KRT7: variants seen among roughly 807,000 people sequenced by gnomAD.
The protein encoded by KRT7 is keratin 7.
In KRT7, 50 loss-of-function variants were observed where a neutral mutation model predicts 42.8. The observed-to-expected ratio is 1.17, with a 90% confidence interval of 0.93 to 1.48. The LOEUF is 1.48. KRT7 is among the 40% of genes most tolerant of loss of function. The pLI is 0.00. For missense variants in KRT7, 588 were observed against 637.6 expected (o/e 0.92, Z 0.84); for synonymous variants, 268 against 266.3 (o/e 1.01, Z -0.06).
intron 6 of KRT7, among the ~76,000 whole-genome samples, chr12:52,243,726 C>T (rs945326024): frequency 6.6e-6 from 1 of 152,224 alleles, no homozygotes; most frequent in East Asian, 1.9e-4. Flanking sequence ...GGAAAAGACC[C>T]CTTCTCAGAG....
chr12:52,253,151 C>T (rs985423418), downstream of KRT7: 2 of 1,498,532 alleles, frequency 1.3e-6, no homozygotes, highest in East Asian at 2.3e-5. Flanking sequence ...TAACCCAAAT[C>T]CCTCTCCTGA....
chr12:52,252,498 G>C, downstream of KRT7: 1 of 1,610,742 alleles, frequency 6.2e-7, no homozygotes, highest in Non-Finnish European at 8.5e-7. Context: ...GGCAAGGGAG[G>C]GTTATTAAGG....
chr12:52,234,485 C>T (rs1376531653), intron 1 of KRT7, among the ~76,000 whole-genome samples: 2 of 152,138 alleles, frequency 1.3e-5, no homozygotes, highest in Admixed American at 6.5e-5. Context: ...TCCTTTCCTT[C>T]GCCATTCACC....
At chr12:52,248,268 G>C in intron 8 of KRT7, 57 bp downstream of exon 8, 1 of 1,570,054 alleles carries the variant, frequency 6.4e-7, no homozygotes, top group South Asian at 1.1e-5. Context: ...AGATGGGGCT[G>C]GGTCTAGAGA....
intron 2 of KRT7, among the ~76,000 whole-genome samples, chr12:52,236,839 C>T (rs1055179872): frequency 7.9e-5 from 12 of 152,162 alleles, no homozygotes; most frequent in African/African-American, 2.7e-4. Flanking sequence ...AGGAGTGGCT[C>T]CTTGGGAGGA....
rs1033817271 is a variant in KRT7 at position 52,233,326 on chromosome 12, C to A, written c.30C>A (p.Phe10Leu). The A allele has an allele frequency of 2.5e-6, 4 of 1,570,476 alleles. No individual in the cohort carries two copies. Among genetic ancestry groups the A allele is most frequent in the Non-Finnish European group, 3.4e-6 (4 of 1,163,780 alleles). ...CCATCCACTTCAGCTCCCCGGTATT[C>A]ACCTCGCGCTCAGCCGCCTTCTCGG... Reference protein sequence around the residue: MSIHFSSPVFTSRSAAFSGR... With the variant: MSIHFSSPVLTSRSAAFSGR... Residue 10 changes from phenylalanine to leucine, a missense_variant, in exon 1 of 9, where the codon TTC becomes TTA. Phe to Leu is a conservative substitution (Grantham distance 22, BLOSUM62 0). Coordinates refer to ENST00000331817, the MANE Select transcript of KRT7 (RefSeq NM_005556.4).
In KRT7 at chr12:52,235,279, G is replaced by A. The variant is rs745705373; in HGVS notation, c.449G>A (p.Gly150Asp). Residue 150 changes from glycine to aspartate, a missense_variant, in exon 2 of 9, where the codon GGT becomes GAT. Coordinates refer to ENST00000331817, the MANE Select transcript of KRT7 (RefSeq NM_005556.4). The part of the protein sequence containing the change: ...IFEAQIAGLR[G>D]QLEALQVDGG... Reference sequence around the variant, plus strand: ...GAGGCCCAGATTGCTGGCCTTCGGGGTCAGCTTGAGGCACTGCAGGTGGAT... The same window carrying A: ...GAGGCCCAGATTGCTGGCCTTCGGGATCAGCTTGAGGCACTGCAGGTGGAT... The A allele has an allele frequency of 6.2e-7, 1 of 1,614,176 alleles. No homozygotes were observed. Among genetic ancestry groups the A allele is most frequent in the Admixed American group, 1.7e-5 (1 of 60,034 alleles).
In KRT7 at chr12:52,233,866, C is replaced by T. The variant is rs371321060; in HGVS notation, c.324+246C>T. ...GCCCAGCTGCCCCTCCCTTTCCTCC[C>T]GGAGTGCGGGCCTGAGTCCTGTAGG... On this transcript the variant is annotated intron_variant, in intron 1 of 8. Coordinates refer to ENST00000331817, the MANE Select transcript of KRT7 (RefSeq NM_005556.4). Among the ~76,000 whole-genome samples, 299 of 152,286 alleles carry T rather than the reference C, an allele frequency of 2.0e-3. 2 individuals are homozygous for T. The highest frequency in any genetic ancestry group is 6.3e-3 in the African/African-American group (261 of 41,570).
At chr12:52,254,358 C>T (rs752057545), downstream of KRT7, 2 of 812,370 alleles carry the variant, frequency 2.5e-6, no homozygotes, top group East Asian at 3.4e-5. Flanking sequence ...TAGGCACAGT[C>T]CACATCCTAA....
At chr12:52,253,836 C>A (rs1351205462), downstream of KRT7, 2 of 509,584 alleles carry the variant, frequency 3.9e-6, no homozygotes, top group Non-Finnish European at 7.8e-6. Context: ...CCCTCATCAT[C>A]ATCCCTTGTC....
At chr12:52,247,691 C>A (rs548030912) in intron 7 of KRT7, 2 of 159,498 alleles carry the variant, frequency 1.3e-5, no homozygotes, top group Non-Finnish European at 2.8e-5. Flanking sequence ...CAACGATTCA[C>A]GAATTATTTT....
intron 1 of KRT7, among the ~76,000 whole-genome samples, chr12:52,234,543 G>A (rs1258961712): frequency 6.6e-6 from 1 of 152,030 alleles, no homozygotes; most frequent in East Asian, 1.9e-4. Flanking sequence ...GCTGCTCCAG[G>A]CCCAGGTTCC....
downstream of KRT7, chr12:52,253,765 C>T (rs1942301020): frequency 1.1e-6 from 1 of 890,138 alleles, no homozygotes. Context: ...ACGCGGATCT[C>T]CTGCAGGAGA....
At chr12:52,247,847 C>T in intron 7 of KRT7, 1 of 364,236 alleles carries the variant, frequency 2.7e-6, no homozygotes, top group Non-Finnish European at 5.1e-6. Context: ...TCACCGAATC[C>T]CAGGTGCTCA....
intron 1 of KRT7, among the ~76,000 whole-genome samples, chr12:52,234,840 G>A (rs761280283): frequency 6.6e-6 from 1 of 152,262 alleles, no homozygotes; most frequent in Non-Finnish European, 1.5e-5. Flanking sequence ...TTGACAGGAA[G>A]AGGTGGCTGT....
chr12:52,245,998 T>G, intron 7 of KRT7: 1 of 242,828 alleles, frequency 4.1e-6, no homozygotes, highest in Non-Finnish European at 7.9e-6. Context: ...ATTGAGGGAA[T>G]AGGGCCAGAG....
intron 7 of KRT7, among the ~76,000 whole-genome samples, chr12:52,246,761 C>T: frequency 6.6e-6 from 1 of 152,170 alleles, no homozygotes; most frequent in Non-Finnish European, 1.5e-5. Context: ...GCCAAGATGC[C>T]TCTCTCTGCT....
At chr12:52,253,333 C>T (rs1400526638), downstream of KRT7, 1 of 1,612,784 alleles carries the variant, frequency 6.2e-7, no homozygotes, top group Non-Finnish European at 8.5e-7. Context: ...CCTTCATCTC[C>T]TCACACTGGG....
chr12:52,247,750 G>T, intron 7 of KRT7: 1 of 197,072 alleles, frequency 5.1e-6, no homozygotes, highest in Non-Finnish European at 1.1e-5. Flanking sequence ...GGGGATAAAA[G>T]TATCAATAGG....
Sources: allele counts gnomAD v4.1 joint callset (sites outside exome capture counted in the v4.1 genomes callset), GRCh38; gene constraint gnomAD v4.1.1; transcripts MANE v1.5; gene names NCBI Gene and HGNC (gene_info 2026-07-23, HGNC 2026-07-21).